Variants in AAGAB observed in about 807,000 individuals in gnomAD.
AAGAB encodes the protein alpha- and gamma-adaptin-binding protein p34.
In AAGAB, 38 loss-of-function variants were observed where a neutral mutation model predicts 44.1. The ratio of observed to expected loss-of-function variants is 0.86; its 90% CI spans 0.67 to 1.13. AAGAB has a LOEUF of 1.13. AAGAB is among the 50% of genes most tolerant of loss of function. The pLI, the probability that AAGAB is intolerant of heterozygous loss-of-function variation, is 0.00. For missense variants in AAGAB, 450 were observed against 373.8 expected (o/e 1.20, Z -1.68); for synonymous variants, 131 against 131.8 (o/e 0.99, Z 0.04).
At chr15:67,223,110 A>C (rs983563139) in intron 5 of AAGAB, among the ~76,000 whole-genome samples, 17 of 151,968 alleles carry the variant, frequency 1.1e-4, no homozygotes, top group African/African-American at 4.1e-4. Flanking sequence ...AGTCTCCTTT[A>C]CTGGTTCCTT....
At position 67,224,642 on chromosome 15, in the gene AAGAB, G is replaced by A. The variant is rs185583577; in HGVS notation, c.535+7172C>T. ...GTTGCCCAGGCTGGAGTGCAGTGGC[G>A]CGATCTCAGCTCACTGCAGCCTCTG... On this transcript the variant is annotated intron_variant, in intron 5 of 9. Coordinates refer to ENST00000261880, the MANE Select transcript of AAGAB (RefSeq NM_024666.5). 2.0e-3 allele frequency among the ~76,000 whole-genome samples: 291 copies of A among 148,004 alleles called. 2 individuals carry two copies. The highest frequency in any genetic ancestry group is 0.01 in the Middle Eastern group (3 of 286).
chr15:67,237,159 T>A (rs1344203973), intron 1 of AAGAB, among the ~76,000 whole-genome samples: 2 of 152,230 alleles, frequency 1.3e-5, no homozygotes, highest in Non-Finnish European at 2.9e-5. Flanking sequence ...TTTATTGTAT[T>A]GCTTAAGTAC....
chr15:67,213,709 C>T (rs910455733), intron 5 of AAGAB, among the ~76,000 whole-genome samples: 1 of 152,168 alleles, frequency 6.6e-6, no homozygotes, highest in Non-Finnish European at 1.5e-5. Flanking sequence ...CTCTGTACCT[C>T]AGTTTCTACA....
At chr15:67,236,897 G>A in intron 1 of AAGAB, 77 bp from the exon 2 acceptor site, 1 of 1,169,018 alleles carries the variant, frequency 8.6e-7, no homozygotes, top group Admixed American at 2.6e-5. Context: ...TCAGATACCA[G>A]ATAAAGCTGG....
intron 5 of AAGAB, among the ~76,000 whole-genome samples, chr15:67,221,383 T>C (rs780464730): frequency 6.6e-6 from 1 of 152,356 alleles, no homozygotes; most frequent in East Asian, 1.9e-4. Context: ...CTGCTAAGAA[T>C]GAACAAAACA....
chr15:67,224,692 T>C (rs1015792914), intron 5 of AAGAB, among the ~76,000 whole-genome samples: 4 of 151,858 alleles, frequency 2.6e-5, no homozygotes, highest in African/African-American at 4.8e-5. Context: ...GTGATTCTTG[T>C]GCCTCAGCCT....
In AAGAB at chr15:67,236,485, A is replaced by T; in HGVS notation, c.284T>A (p.Val95Asp). The T allele has an allele frequency of 6.2e-7, 1 of 1,614,156 alleles. No homozygotes were observed. Among genetic ancestry groups the T allele is most frequent in the Non-Finnish European group, 8.5e-7 (1 of 1,179,990 alleles). Residue 95 changes from valine (V) to aspartate (D), a missense_variant, in exon 3 of 10, where the codon GTC (valine) becomes GAC (aspartate). Coordinates refer to ENST00000261880, the MANE Select transcript of AAGAB (RefSeq NM_024666.5). ...TTTTGCCAGTGGAAGCCATGAGGAGACACTATCAAGGCCCGATTTCTAGAG... is the reference window on the plus strand; with the variant it reads ...TTTTGCCAGTGGAAGCCATGAGGAGTCACTATCAAGGCCCGATTTCTAGAG... ...DSTQKSGLDS[V>D]SSWLPLAKAW...
chr15:67,247,602 A>G (rs2081151332), intron 1 of AAGAB, among the ~76,000 whole-genome samples: 1 of 151,876 alleles, frequency 6.6e-6, no homozygotes, highest in Middle Eastern at 3.2e-3. Flanking sequence ...TTCTCCTCCT[A>G]CTCTCCGCCA....
At chr15:67,253,741 A>C (rs955323409) in intron 1 of AAGAB, among the ~76,000 whole-genome samples, 2 of 151,616 alleles carry the variant, frequency 1.3e-5, no homozygotes, top group Non-Finnish European at 2.9e-5. Context: ...GCGACAGAGC[A>C]AGTTCCCGTC....
At chr15:67,213,426 CACTTA>C (rs1296537505) in intron 5 of AAGAB, among the ~76,000 whole-genome samples, 39 of 152,190 alleles carry the variant, frequency 2.6e-4, no homozygotes, top group African/African-American at 7.9e-4. Flanking sequence ...TCTGAGGGCA[CACTTA>C]ACTTTAGAAG....
Position 67,239,222 on chromosome 15 carries a change from C to A in AAGAB, c.74-2402G>T, listed in dbSNP as rs187002472. 4.6e-5 allele frequency among the ~76,000 whole-genome samples: 7 copies of A among 152,194 alleles called. No homozygotes were observed. The East Asian group carries it at 1.4e-3, about 29-fold the overall frequency. ...GGGTTATGCTTTCTTTGCTCCTCGA[C>A]ATGAGAAATATAAAATCACTTAAAA... On this transcript the variant is annotated intron_variant, in intron 1 of 9. Transcript: ENST00000261880.
chr15:67,232,245 A>G (rs2140373837), intron 4 of AAGAB, among the ~76,000 whole-genome samples: 2 of 138,606 alleles, frequency 1.4e-5, no homozygotes, highest in Middle Eastern at 3.8e-3. Context: ...GCAAAACTCC[A>G]TCTCAAAAAA....
chr15:67,211,840 T>A (rs780277980), intron 5 of AAGAB, among the ~76,000 whole-genome samples: 3 of 152,124 alleles, frequency 2.0e-5, no homozygotes, highest in Non-Finnish European at 2.9e-5. Flanking sequence ...AATGTCAGTT[T>A]ATGCATGTTA....
At chr15:67,246,536 T>C (rs2140395455) in intron 1 of AAGAB, among the ~76,000 whole-genome samples, 1 of 152,376 alleles carries the variant, frequency 6.6e-6, no homozygotes, top group Middle Eastern at 3.4e-3. Context: ...TACAATGTTA[T>C]GTCCAAATTT....
At chr15:67,205,335 C>T (rs1461807166) in intron 7 of AAGAB, among the ~76,000 whole-genome samples, 6 of 152,122 alleles carry the variant, frequency 3.9e-5, no homozygotes, top group African/African-American at 4.8e-5. Flanking sequence ...TATTTGCTTT[C>T]GTTCAATGGA....
Position 67,202,800 on chromosome 15 carries a change from TCA to T in AAGAB, c.*19_*20del. 1 of 1,612,118 alleles carries T rather than the reference TCA, an allele frequency of 6.2e-7. No individual in the cohort carries two copies. Among genetic ancestry groups the T allele is most frequent in the Non-Finnish European group, 8.5e-7 (1 of 1,178,224 alleles). On this transcript the variant is annotated 3_prime_UTR_variant, in exon 10 of 10. Coordinates refer to ENST00000261880, the MANE Select transcript of AAGAB (RefSeq NM_024666.5). ...CAGAGACAGCTAGCATCTTTGTTGG[TCA>T]AACCCTAGTATGAATAATTCAGTGC...
At chr15:67,243,114 C>A (rs974939156) in intron 1 of AAGAB, among the ~76,000 whole-genome samples, 1 of 151,918 alleles carries the variant, frequency 6.6e-6, no homozygotes, top group Admixed American at 6.6e-5. Context: ...GAATTGGTCA[C>A]CACAGCTTCA....
At chr15:67,250,450 T>A (rs1360716301) in intron 1 of AAGAB, among the ~76,000 whole-genome samples, 1 of 152,212 alleles carries the variant, frequency 6.6e-6, no homozygotes, top group African/African-American at 2.4e-5. Context: ...GTGCTGGGAT[T>A]ACAGGCGTGA....
intron 5 of AAGAB, among the ~76,000 whole-genome samples, chr15:67,223,565 C>A (rs1226049588): frequency 6.6e-6 from 1 of 152,164 alleles, no homozygotes; most frequent in Non-Finnish European, 1.5e-5. Context: ...TTGCCCCAGC[C>A]CCAATCTGAG....
Sources: gnomAD v4.1 joint callset for allele counts (sites outside exome capture counted in the v4.1 genomes callset) on GRCh38, gnomAD v4.1.1 for gene constraint, MANE v1.5 for transcripts, NCBI Gene and HGNC (gene_info 2026-07-23, HGNC 2026-07-21) for gene names.